The following SLC1A7 variants were observed in gnomAD, a reference collection of about 807,000 sequenced individuals.
SLC1A7 encodes the protein excitatory amino acid transporter 5.
SLC1A7 carries 40 observed loss-of-function variants against 47.7 expected under a neutral mutation model. The ratio of observed to expected loss-of-function variants is 0.84; its 90% CI spans 0.65 to 1.09. The LOEUF is 1.09. Among genes scored for constraint, SLC1A7 ranks in the 50% least tolerant of loss-of-function variants. The pLI is 0.00. For missense variants in SLC1A7, 746 were observed against 769.5 expected (o/e 0.97, Z 0.36); for synonymous variants, 323 against 325.6 (o/e 0.99, Z 0.09).
intron 8 of SLC1A7, 30 bp downstream of exon 8, chr1:53,090,582 C>T (rs1220196964): frequency 3.9e-6 from 6 of 1,541,792 alleles, no homozygotes; most frequent in Non-Finnish European, 5.3e-6. Context: ...GCCCCCGCCC[C>T]ATCCACCCAG....
At chr1:53,131,883 G>GTACA (rs1557690331) in intron 2 of SLC1A7, among the ~76,000 whole-genome samples, 2 of 152,338 alleles carry the variant, frequency 1.3e-5, no homozygotes, top group East Asian at 3.9e-4. Flanking sequence ...AGGGAACAGG[G>GTACA]TACAGTAAGG....
chr1:53,141,241 T>C (rs1394278485), intron 1 of SLC1A7, among the ~76,000 whole-genome samples: 1 of 152,138 alleles, frequency 6.6e-6, no homozygotes, highest in Non-Finnish European at 1.5e-5. Context: ...CCCAGATCAA[T>C]GTCTGATCAC....
At chr1:53,119,609 C>T (rs1644798413) in intron 2 of SLC1A7, among the ~76,000 whole-genome samples, 1 of 152,186 alleles carries the variant, frequency 6.6e-6, no homozygotes, top group Non-Finnish European at 1.5e-5. Context: ...GTCTTCACCT[C>T]CCAAAGTGCT....
rs1250316493 is a variant in SLC1A7, at chr1:53,088,890, T to A, written c.1451A>T (p.Asp484Val). ...AHICRKDFAR[D>V]TGTEKLLPCE... ...CACTGCTCTCACCTCGGTGCCTGTGTCCCGGGCAAAATCCTTCCGACATAT... is the reference window on the plus strand; with the variant it reads ...CACTGCTCTCACCTCGGTGCCTGTGACCCGGGCAAAATCCTTCCGACATAT... The change falls in exon 10 of 11, where the codon GAC (aspartate) becomes GTC (valine). Residue 484 changes from aspartate to valine, a missense_variant. Physicochemically the swap from Asp to Val is radical, Grantham distance 152. Transcript: ENST00000371494. The A allele has an allele frequency of 3.1e-6, 5 of 1,613,566 alleles. No homozygotes were observed. Among genetic ancestry groups the A allele is most frequent in the Admixed American group, 1.7e-5 (1 of 60,002 alleles).
chr1:53,114,994 G>T, intron 2 of SLC1A7, 21 bp from the exon 3 acceptor site: 1 of 1,601,810 alleles, frequency 6.2e-7, no homozygotes, highest in Non-Finnish European at 8.5e-7. Context: ...GAGGGGGTCA[G>T]GGGCTGTGGT....
intron 3 of SLC1A7, chr1:53,108,331 A>G (rs1362709180): frequency 1.2e-5 from 6 of 507,964 alleles, no homozygotes; most frequent in African/African-American, 2.0e-5. Context: ...GCCAAATGGA[A>G]CTTATACCTA....
chr1:53,129,615 T>C (rs1026473951), intron 2 of SLC1A7, among the ~76,000 whole-genome samples: 1 of 138,852 alleles, frequency 7.2e-6, no homozygotes, highest in African/African-American at 2.6e-5. Flanking sequence ...GAAGAGTGAC[T>C]GAACTCAGCT....
At chr1:53,093,658 C>T in intron 5 of SLC1A7, 98 bp from the exon 6 acceptor site, 2 of 835,732 alleles carry the variant, frequency 2.4e-6, no homozygotes, top group Non-Finnish European at 3.8e-6. Context: ...CTTGATGCTC[C>T]AGCACTCCCC....
At chr1:53,106,693 C>A (rs1275728709) in intron 3 of SLC1A7, among the ~76,000 whole-genome samples, 1 of 151,998 alleles carries the variant, frequency 6.6e-6, no homozygotes, top group East Asian at 1.9e-4. Flanking sequence ...CAGAAACTAG[C>A]ACCTCTAAGT....
At chr1:53,130,438 C>G (rs914145059) in intron 2 of SLC1A7, among the ~76,000 whole-genome samples, 6 of 152,062 alleles carry the variant, frequency 3.9e-5, no homozygotes, top group Non-Finnish European at 8.8e-5. Context: ...GAGGCCCAGA[C>G]CTGCAGATGG....
Position 53,103,112 on chromosome 1 carries a change from G to A in SLC1A7, c.697+234C>T, listed in dbSNP as rs980669231. On this transcript the variant is annotated intron_variant, in intron 5 of 10. Coordinates refer to ENST00000371494, the MANE Select transcript of SLC1A7 (RefSeq NM_006671.6). ...AGGGTGTGGCAGGGATGCCAGCTGC[G>A]GGCCTAAGAAATGGCCCAGACGGGC... 1.0e-4 allele frequency: 44 copies of A among 441,468 alleles called. 1 individual carries two copies. The highest frequency in any genetic ancestry group is 6.0e-5 in the African/African-American group (3 of 49,766). The allele number at this position is 441,468 out of a possible 1,614,324, so 27.3% of individuals were successfully genotyped here.
chr1:53,124,751 C>T (rs3766792), intron 2 of SLC1A7, among the ~76,000 whole-genome samples: 30,497 of 152,140 alleles, frequency 0.2, 3,734 homozygotes, highest in South Asian at 0.42. Context: ...AGGGTGAACT[C>T]GAGGTGAGAC....
Position 53,088,203 on chromosome 1 carries a change from G to A in SLC1A7, c.1489C>T (p.Pro497Ser). 6.2e-7 allele frequency: 1 copy of A among 1,611,052 alleles called. No homozygotes were observed. The highest frequency in any genetic ancestry group is 8.5e-7 in the Non-Finnish European group (1 of 1,178,336). Residue 497 changes from proline (P) to serine (S), a missense_variant, in exon 11 of 11, where the codon CCA becomes TCA. Coordinates refer to ENST00000371494, the MANE Select transcript of SLC1A7 (RefSeq NM_006671.6). ...GCCACGATCTCCTGGAGGCTCACTG[G>A]CTTGGTCTCGCAGGGCAGCAGTTTC... ...TEKLLPCETK[P>S]VSLQEIVAAQ...
chr1:53,140,678 T>C (rs574445497), intron 1 of SLC1A7, among the ~76,000 whole-genome samples: 1 of 152,322 alleles, frequency 6.6e-6, no homozygotes, highest in African/African-American at 2.4e-5. Context: ...AAGCACCTAC[T>C]GTATGCTGGG....
chr1:53,103,357 GAGA>G lies in SLC1A7; in HGVS notation c.683_685del (p.Phe228del), dbSNP rs1360668074. 3.1e-6 allele frequency: 5 copies of G among 1,601,990 alleles called. No individual in the cohort carries two copies. In the African/African-American group the frequency reaches 5.3e-5, roughly 17 times the overall value. ...TGGGCAGCACATACCCATGGTGGCA[GAGA>G]AGAAGACGATGCCCAGCACATTCAT... On this transcript the variant is annotated inframe_deletion, in exon 5 of 11. Coordinates refer to ENST00000371494, the MANE Select transcript of SLC1A7 (RefSeq NM_006671.6).
intron 5 of SLC1A7, among the ~76,000 whole-genome samples, chr1:53,096,005 G>A (rs1323645423): frequency 7.1e-6 from 1 of 140,392 alleles, no homozygotes; most frequent in Non-Finnish European, 1.5e-5. Flanking sequence ...CCCCGCCTCA[G>A]TACACTCACT....
chr1:53,109,819 C>T (rs1644683770), intron 3 of SLC1A7, among the ~76,000 whole-genome samples: 1 of 152,170 alleles, frequency 6.6e-6, no homozygotes, highest in Admixed American at 6.5e-5. Flanking sequence ...GTGGGCAGCC[C>T]TGGGGTGGGG....
At chr1:53,092,519 C>T (rs1319905759) in intron 7 of SLC1A7, 35 bp downstream of exon 7, 2 of 1,500,572 alleles carry the variant, frequency 1.3e-6, no homozygotes, top group African/African-American at 1.4e-5. Flanking sequence ...CAGCCCCTCC[C>T]AGCTCCCCAC....
At chr1:53,142,025 G>T (rs916276679) in intron 1 of SLC1A7, among the ~76,000 whole-genome samples, 5 of 152,050 alleles carry the variant, frequency 3.3e-5, no homozygotes, top group Non-Finnish European at 7.4e-5. Flanking sequence ...CTCTTTCCCC[G>T]CCACAGCTCT....
Sources: allele counts gnomAD v4.1 joint callset (sites outside exome capture counted in the v4.1 genomes callset), GRCh38; gene constraint gnomAD v4.1.1; transcripts MANE v1.5; gene names NCBI Gene and HGNC (gene_info 2026-07-23, HGNC 2026-07-21).